WDPCP: variants seen among roughly 807,000 people sequenced by gnomAD.
WDPCP encodes the protein WD repeat-containing and planar cell polarity effector protein fritz homolog.
WDPCP carries 71 observed loss-of-function variants against 93.1 expected under a neutral mutation model. The ratio of observed to expected loss-of-function variants is 0.76; its 90% CI spans 0.63 to 0.93. The LOEUF (loss-of-function observed/expected upper bound fraction) is 0.93. Ranked by LOEUF, WDPCP falls within the 40% of genes least tolerant of loss-of-function variation. WDPCP has a pLI of 0.00. For synonymous variants in WDPCP, 315 were observed against 315.0 expected, an observed-to-expected ratio of 1.00 and a Z score of 0.00; for missense variants, 844 against 887.4, an observed-to-expected ratio of 0.95 and a Z score of 0.62.
At chr2:63,807,885 A>G (rs1670792266) in intron 2 of WDPCP, among the ~76,000 whole-genome samples, 1 of 152,230 alleles carries the variant, frequency 6.6e-6, no homozygotes, top group Non-Finnish European at 1.5e-5. Flanking sequence ...CAAAAATTAA[A>G]TTTGAGGAAG....
At chr2:63,638,774 G>A in intron 3 of WDPCP, among the ~76,000 whole-genome samples, 1 of 151,300 alleles carries the variant, frequency 6.6e-6, no homozygotes, top group East Asian at 1.9e-4. Flanking sequence ...GGGTGACAGA[G>A]GGAGCTTCTG....
intron 6 of WDPCP, among the ~76,000 whole-genome samples, chr2:63,483,817 A>G (rs1700406780): frequency 1.3e-5 from 2 of 151,896 alleles, no homozygotes; most frequent in Admixed American, 6.6e-5. Context: ...AGTATATTAA[A>G]TTTTTCTAGG....
chr2:63,688,835 G>A (rs1351507287), intron 2 of WDPCP, among the ~76,000 whole-genome samples: 2 of 152,172 alleles, frequency 1.3e-5, no homozygotes, highest in African/African-American at 4.8e-5. Flanking sequence ...ATGTTGGGAA[G>A]TGGGGCCTTT....
At chr2:63,527,977 T>C (rs548662392) in intron 1 of WDPCP, among the ~76,000 whole-genome samples, 1 of 152,134 alleles carries the variant, frequency 6.6e-6, no homozygotes, top group South Asian at 2.1e-4. Flanking sequence ...CCAGTGACAA[T>C]GAGCATTTTT....
intron 14 of WDPCP, among the ~76,000 whole-genome samples, chr2:63,185,841 C>G (rs1674591704): frequency 6.6e-6 from 1 of 152,158 alleles, no homozygotes; most frequent in South Asian, 2.1e-4. Flanking sequence ...GGGTTTTATC[C>G]TCAGCCTGAG....
At chr2:63,305,019 G>A (rs556141355) in intron 13 of WDPCP, among the ~76,000 whole-genome samples, 2 of 152,294 alleles carry the variant, frequency 1.3e-5, no homozygotes, top group South Asian at 4.1e-4. Flanking sequence ...GATCAGCAAA[G>A]CCGCGGTAGC....
intron 3 of WDPCP, among the ~76,000 whole-genome samples, chr2:63,609,632 G>A (rs1709594339): frequency 6.6e-6 from 1 of 152,196 alleles, no homozygotes; most frequent in South Asian, 2.1e-4. Context: ...ACTCATGCGT[G>A]TAATCCCAAC....
intron 13 of WDPCP, among the ~76,000 whole-genome samples, chr2:63,297,973 T>C (rs981185113): frequency 2.4e-4 from 36 of 152,140 alleles, no homozygotes; most frequent in Non-Finnish European, 5.9e-5. Flanking sequence ...TGCAGCTCTA[T>C]CTATATCTAT....
At chr2:63,758,656 T>C (rs1670005188) in intron 2 of WDPCP, among the ~76,000 whole-genome samples, 1 of 152,068 alleles carries the variant, frequency 6.6e-6, no homozygotes, top group Admixed American at 6.6e-5. Flanking sequence ...CCCAGGCTAG[T>C]CTCAAACTCC....
chr2:63,173,133 T>C (rs747666229), intron 15 of WDPCP, among the ~76,000 whole-genome samples: 6 of 151,964 alleles, frequency 3.9e-5, no homozygotes, highest in African/African-American at 1.5e-4. Flanking sequence ...CAGGGCACAG[T>C]GGTGGGCACC....
intron 13 of WDPCP, among the ~76,000 whole-genome samples, chr2:63,311,120 T>C (rs780024693): frequency 5.3e-5 from 8 of 152,198 alleles, no homozygotes; most frequent in Non-Finnish European, 7.3e-5. Flanking sequence ...ACTGATAATA[T>C]GCTAATGCAA....
At chr2:63,376,094 ACTT>A (rs1691834534) in intron 12 of WDPCP, among the ~76,000 whole-genome samples, 3 of 151,968 alleles carry the variant, frequency 2.0e-5, no homozygotes. Context: ...GAGCATGAGA[ACTT>A]CTTGGTAGCA....
chr2:63,699,636 A>C (rs923049749), intron 2 of WDPCP, among the ~76,000 whole-genome samples: 1 of 152,204 alleles, frequency 6.6e-6, no homozygotes, highest in African/African-American at 2.4e-5. Context: ...GTCTAAAAAA[A>C]AGTTTGGAGC....
chr2:63,142,855 C>CAT (rs1325820442), intron 17 of WDPCP, among the ~76,000 whole-genome samples: 2 of 146,310 alleles, frequency 1.4e-5, no homozygotes, highest in Admixed American at 6.8e-5. Context: ...TGTGTACACA[C>CAT]ATATATATAC....
chr2:63,244,056 A>C (rs989945697), intron 14 of WDPCP, among the ~76,000 whole-genome samples: 2 of 152,164 alleles, frequency 1.3e-5, no homozygotes, highest in African/African-American at 4.8e-5. Flanking sequence ...CAGTGCAATA[A>C]AAATAGAAAT....
intron 2 of WDPCP, among the ~76,000 whole-genome samples, chr2:63,806,615 G>A (rs1054532593): frequency 9.2e-5 from 14 of 152,250 alleles, no homozygotes; most frequent in East Asian, 3.9e-4. Flanking sequence ...TATGGGAGAC[G>A]AGTCTATCTG....
At chr2:63,706,771 C>T (rs1214592885) in intron 2 of WDPCP, among the ~76,000 whole-genome samples, 16 of 151,210 alleles carry the variant, frequency 1.1e-4, no homozygotes, top group African/African-American at 2.4e-4. Context: ...CGCCCGCCAC[C>T]GCGCCCGGCT....
chr2:63,756,353 G>T (rs1056424067), intron 2 of WDPCP, among the ~76,000 whole-genome samples: 1 of 152,160 alleles, frequency 6.6e-6, no homozygotes, highest in Non-Finnish European at 1.5e-5. Flanking sequence ...AACAATTTAA[G>T]AAAGCAATAG....
chr2:63,153,069 T>C (rs1185202472), intron 16 of WDPCP, 124 bp from the exon 17 acceptor site: 1 of 803,172 alleles, frequency 1.2e-6, no homozygotes, highest in Non-Finnish European at 2.0e-6. Context: ...CTGAGAACTC[T>C]AGAGAAATAA....
Sources: gnomAD v4.1 joint callset for allele counts (sites outside exome capture counted in the v4.1 genomes callset) on GRCh38, gnomAD v4.1.1 for gene constraint, MANE v1.5 for transcripts, NCBI Gene and HGNC (gene_info 2026-07-23, HGNC 2026-07-21) for gene names.